Variants in VAV3 observed in about 807,000 individuals in gnomAD.
VAV3 encodes the protein vav guanine nucleotide exchange factor 3, also known as guanine nucleotide exchange factor VAV3.
In VAV3, 94 loss-of-function variants were observed where a neutral mutation model predicts 131.2. The ratio of observed to expected loss-of-function variants is 0.72; its 90% CI spans 0.61 to 0.85. VAV3 has a LOEUF of 0.85. VAV3 is among the 40% of genes least tolerant of loss of function. The pLI is 0.00. For synonymous variants in VAV3, 349 were observed against 342.0 expected (o/e 1.02, Z -0.22); for missense variants, 939 against 1,002.7 (o/e 0.94, Z 0.86).
chr1:107,728,196 T>C (rs1661970261), intron 15 of VAV3, among the ~76,000 whole-genome samples: 1 of 152,242 alleles, frequency 6.6e-6, no homozygotes, highest in South Asian at 2.1e-4. Flanking sequence ...GGACAGGGAA[T>C]TGGCAGATTT....
chr1:107,827,738 A>G (rs1037691943), intron 2 of VAV3, among the ~76,000 whole-genome samples: 1 of 152,180 alleles, frequency 6.6e-6, no homozygotes, highest in African/African-American at 2.4e-5. Context: ...CTTTTATCCA[A>G]TTTGAGGTTT....
chr1:107,880,009 T>C (rs1163284341), intron 1 of VAV3, among the ~76,000 whole-genome samples: 1 of 152,200 alleles, frequency 6.6e-6, no homozygotes, highest in Non-Finnish European at 1.5e-5. Flanking sequence ...AAATGTTAAC[T>C]GAATAAAAAT....
intron 20 of VAV3, among the ~76,000 whole-genome samples, chr1:107,635,035 G>C (rs1485814856): frequency 4.6e-5 from 7 of 151,788 alleles, no homozygotes; most frequent in Admixed American, 6.6e-5. Flanking sequence ...CTGTAAACTA[G>C]TTCAACCATT....
intron 15 of VAV3, among the ~76,000 whole-genome samples, chr1:107,733,959 A>T (rs1273580021): frequency 6.6e-6 from 1 of 152,254 alleles, no homozygotes; most frequent in East Asian, 1.9e-4. Context: ...GCAGCCAGAG[A>T]GAAAGGTCAG....
At chr1:107,893,428 G>A (rs898564164) in intron 1 of VAV3, among the ~76,000 whole-genome samples, 2 of 152,112 alleles carry the variant, frequency 1.3e-5, no homozygotes, top group African/African-American at 4.8e-5. Flanking sequence ...CCATTTTCAT[G>A]CTGCTGATAA....
At chr1:107,817,114 GA>G (rs1667592770) in intron 2 of VAV3, among the ~76,000 whole-genome samples, 5 of 152,320 alleles carry the variant, frequency 3.3e-5, no homozygotes, top group Admixed American at 3.3e-4. Context: ...CTCTTGCTCT[GA>G]AGGAGTTCAC....
At chr1:107,962,333 CA>C in intron 1 of VAV3, among the ~76,000 whole-genome samples, 1 of 151,068 alleles carries the variant, frequency 6.6e-6, no homozygotes, top group Non-Finnish European at 1.5e-5. Flanking sequence ...TAGTTAGCGG[CA>C]AAATGTCTAG....
Position 107,942,711 on chromosome 1 carries a change from A to T in VAV3, c.204+21955T>A, listed in dbSNP as rs192267028. Among the ~76,000 whole-genome samples the T allele has an allele frequency of 6.9e-3, 1,046 of 152,292 alleles. 14 individuals are homozygous for T. Among genetic ancestry groups the T allele is most frequent in the Non-Finnish European group, 9.5e-3 (646 of 68,020 alleles). On this transcript the variant is annotated intron_variant, in intron 1 of 26. Transcript: ENST00000370056. ...CTACTTTCTCCTTGATATTCTAAGA[A>T]AACCTGATCTCTAGAATCCATACCA...
At chr1:107,691,423 C>A (rs1315665331) in intron 17 of VAV3, among the ~76,000 whole-genome samples, 1 of 152,046 alleles carries the variant, frequency 6.6e-6, no homozygotes, top group Non-Finnish European at 1.5e-5. Context: ...TCTGTTCATG[C>A]CTTAGTTCTG....
At chr1:107,963,903 T>C (rs1675271516) in intron 1 of VAV3, among the ~76,000 whole-genome samples, 1 of 152,232 alleles carries the variant, frequency 6.6e-6, no homozygotes, top group African/African-American at 2.4e-5. Context: ...TCCAGAGGTG[T>C]CTGGCTTAAC....
chr1:107,884,129 G>A (rs1670912587), intron 1 of VAV3, among the ~76,000 whole-genome samples: 1 of 150,784 alleles, frequency 6.6e-6, no homozygotes, highest in South Asian at 2.1e-4. Flanking sequence ...CCCAGAGATG[G>A]GGCCCAGTTT....
At position 107,772,765 on chromosome 1, in the gene VAV3, GT is replaced by G. The variant is rs1665120452; in HGVS notation, c.524del (p.Asp175AlafsTer2). The G allele has an allele frequency of 6.2e-7, 1 of 1,613,582 alleles. No individual in the cohort carries two copies. The highest frequency in any genetic ancestry group is 8.5e-7 in the Non-Finnish European group (1 of 1,179,816). On this transcript the variant is annotated frameshift_variant, in exon 5 of 27. Coordinates refer to ENST00000370056, the MANE Select transcript of VAV3 (RefSeq NM_006113.5). LOFTEE classifies it high-confidence loss of function. ...GATGTGCTTCCTCTGCCTTCATTAA[GT>G]CCTCATAGACTTCTCCACCTTCATC... ...GEDEGGEVYE[D>X]LMKAEEAHQP...
chr1:107,738,031 A>C (rs1195013251), intron 15 of VAV3, among the ~76,000 whole-genome samples: 1 of 152,248 alleles, frequency 6.6e-6, no homozygotes, highest in Non-Finnish European at 1.5e-5. Context: ...CAGCCATAAA[A>C]AAGGATGAGT....
intron 20 of VAV3, among the ~76,000 whole-genome samples, chr1:107,633,961 T>C (rs1286849296): frequency 6.6e-6 from 1 of 151,978 alleles, no homozygotes; most frequent in East Asian, 1.9e-4. Context: ...TTATCACCCA[T>C]AGCATTATGA....
chr1:107,783,476 A>C (rs1665811105), intron 2 of VAV3, among the ~76,000 whole-genome samples: 1 of 152,162 alleles, frequency 6.6e-6, no homozygotes, highest in Non-Finnish European at 1.5e-5. Flanking sequence ...AGAAGAACCC[A>C]GGATGACCTG....
At chr1:107,648,153 C>T (rs1192954952) in intron 19 of VAV3, among the ~76,000 whole-genome samples, 4 of 151,946 alleles carry the variant, frequency 2.6e-5, no homozygotes, top group Non-Finnish European at 2.9e-5. Context: ...CCAGAGAAGC[C>T]TACATTATTT....
At chr1:107,872,750 G>C (rs1670311004) in intron 2 of VAV3, among the ~76,000 whole-genome samples, 1 of 152,146 alleles carries the variant, frequency 6.6e-6, no homozygotes. Flanking sequence ...AGCTAGACCT[G>C]AGTTCAAACT....
intron 2 of VAV3, among the ~76,000 whole-genome samples, chr1:107,870,882 A>G (rs527312254): frequency 9.9e-4 from 150 of 152,124 alleles, no homozygotes; most frequent in African/African-American, 3.5e-3. Context: ...GGCCCTTCAC[A>G]CTCACCCAGA....
intron 15 of VAV3, among the ~76,000 whole-genome samples, chr1:107,706,157 C>T (rs4915067): frequency 0.14 from 21,347 of 151,936 alleles, 1,648 homozygotes; most frequent in South Asian, 0.26. Flanking sequence ...TGCTCCGAGA[C>T]GTTACACGCA....
Sources: gnomAD v4.1 joint callset for allele counts (sites outside exome capture counted in the v4.1 genomes callset) on GRCh38, gnomAD v4.1.1 for gene constraint, MANE v1.5 for transcripts, NCBI Gene and HGNC (gene_info 2026-07-23, HGNC 2026-07-21) for gene names.